MPP7: variants seen among roughly 807,000 people sequenced by gnomAD.
The protein encoded by MPP7 is MAGUK p55 subfamily member 7.
In MPP7, 60 loss-of-function variants were observed where a neutral mutation model predicts 76.5. The observed-to-expected ratio is 0.78, with a 90% CI of 0.64 to 0.97. The LOEUF (loss-of-function observed/expected upper bound fraction) is 0.97, where lower values mean the gene tolerates loss of function less well. Ranked by LOEUF, MPP7 falls within the 50% of genes least tolerant of loss-of-function variation. The pLI is 0.00. For synonymous variants in MPP7, 237 were observed against 244.5 expected (o/e 0.97, Z 0.29); for missense variants, 641 against 694.0 (o/e 0.92, Z 0.86).
chr10:28,243,300 C>A (rs745360454), intron 1 of MPP7, among the ~76,000 whole-genome samples: 1 of 152,070 alleles, frequency 6.6e-6, no homozygotes, highest in African/African-American at 2.4e-5. Context: ...CTGAAATACA[C>A]GCATGGTGGA....
chr10:28,268,326 G>A (rs187673050), intron 1 of MPP7, among the ~76,000 whole-genome samples: 113 of 152,324 alleles, frequency 7.4e-4, no homozygotes, highest in African/African-American at 2.5e-3. Flanking sequence ...ATGAGCCAGA[G>A]AAATTTTGAT....
intron 3 of MPP7, among the ~76,000 whole-genome samples, chr10:28,159,443 T>C (rs1836182694): frequency 6.6e-6 from 1 of 152,230 alleles, no homozygotes; most frequent in Non-Finnish European, 1.5e-5. Flanking sequence ...CAAAAATCAG[T>C]ATATTTTCCA....
chr10:28,275,597 A>C (rs1247576484), intron 1 of MPP7, among the ~76,000 whole-genome samples: 4 of 151,846 alleles, frequency 2.6e-5, no homozygotes, highest in Admixed American at 2.6e-4. Flanking sequence ...AGTAAAGAAG[A>C]CATTTCACAG....
intron 5 of MPP7, among the ~76,000 whole-genome samples, chr10:28,141,088 GT>G (rs1835501806): frequency 6.6e-6 from 1 of 151,934 alleles, no homozygotes; most frequent in Non-Finnish European, 1.5e-5. Context: ...AGAATTTAAT[GT>G]TTTATCACAT....
chr10:28,200,922 G>C (rs1312030429), intron 3 of MPP7, among the ~76,000 whole-genome samples: 2 of 152,012 alleles, frequency 1.3e-5, no homozygotes, highest in Non-Finnish European at 2.9e-5. Context: ...GCTATCAAAA[G>C]GTCAACTCAA....
At chr10:28,251,706 T>C (rs891524579) in intron 1 of MPP7, among the ~76,000 whole-genome samples, 7 of 152,088 alleles carry the variant, frequency 4.6e-5, no homozygotes, top group African/African-American at 1.2e-4. Context: ...GGCACAGGTA[T>C]TCCGACTTCA....
intron 1 of MPP7, 116 bp from the exon 2 acceptor site, chr10:28,238,851 C>T: frequency 2.1e-6 from 1 of 475,384 alleles, no homozygotes; most frequent in South Asian, 3.7e-5. Flanking sequence ...CGCAACTCTT[C>T]AGAATTTTTT....
chr10:28,225,809 C>T (rs1838668821), intron 2 of MPP7, among the ~76,000 whole-genome samples: 1 of 152,150 alleles, frequency 6.6e-6, no homozygotes, highest in Non-Finnish European at 1.5e-5. Context: ...ACTACACTCA[C>T]AGGGACATAC....
At chr10:28,148,939 C>T (rs1411856074) in intron 4 of MPP7, among the ~76,000 whole-genome samples, 3 of 152,026 alleles carry the variant, frequency 2.0e-5, no homozygotes, top group East Asian at 1.9e-4. Context: ...ACTTTATTTG[C>T]CTTCATTTAA....
rs546860352 is a variant in MPP7, at chr10:28,282,654, G to A, written c.-132+20207C>T. On this transcript the variant is annotated intron_variant, in intron 1 of 16. Coordinates refer to ENST00000683449, the MANE Select transcript of MPP7 (RefSeq NM_001318170.2). ...ACTCCCACAATTAAAGGACAGGAGC[G>A]TAAAGAAAAACAGTGGCAGAAACCA... is the stretch of plus-strand genomic sequence containing the variant. Among the ~76,000 whole-genome samples the A allele has an allele frequency of 5.9e-5, 9 of 152,106 alleles. No individual in the cohort carries two copies. In the East Asian group the frequency reaches 1.2e-3, roughly 20 times the overall value.
At chr10:28,073,768 CAAGAAAAAAA>C (rs984615470) in intron 12 of MPP7, among the ~76,000 whole-genome samples, 2 of 150,618 alleles carry the variant, frequency 1.3e-5, no homozygotes, top group African/African-American at 4.9e-5. Flanking sequence ...GACTGCATCT[CAAGAAAAAAA>C]AAATATTTTT....
At chr10:28,227,857 A>T (rs1438533139) in intron 2 of MPP7, among the ~76,000 whole-genome samples, 8 of 152,220 alleles carry the variant, frequency 5.3e-5, no homozygotes, top group African/African-American at 1.9e-4. Context: ...TAGTGGATCA[A>T]ATGGTATTTC....
At chr10:28,106,691 C>T (rs1262034530) in intron 11 of MPP7, among the ~76,000 whole-genome samples, 3 of 152,162 alleles carry the variant, frequency 2.0e-5, no homozygotes, top group African/African-American at 7.2e-5. Context: ...TGGAGCACTC[C>T]TATCCTCAAC....
intron 5 of MPP7, among the ~76,000 whole-genome samples, chr10:28,146,405 G>GT (rs11316234): frequency 0.011 from 1,288 of 114,394 alleles, 29 homozygotes; most frequent in East Asian, 0.079. Context: ...TTGTTTTTTT[G>GT]TTTTTTTTTT....
chr10:28,247,656 T>C (rs1839481236), intron 1 of MPP7, among the ~76,000 whole-genome samples: 1 of 152,246 alleles, frequency 6.6e-6, no homozygotes, highest in South Asian at 2.1e-4. Flanking sequence ...CATATTCATC[T>C]ATTTTATTTC....
At chr10:28,235,355 A>G (rs1839039127) in intron 2 of MPP7, among the ~76,000 whole-genome samples, 1 of 152,224 alleles carries the variant, frequency 6.6e-6, no homozygotes, top group Non-Finnish European at 1.5e-5. Context: ...GGCAAGGCAT[A>G]TTGAAACTCT....
At chr10:28,166,048 T>TA (rs1836445832) in intron 3 of MPP7, among the ~76,000 whole-genome samples, 1 of 149,374 alleles carries the variant, frequency 6.7e-6, no homozygotes, top group African/African-American at 2.4e-5. Flanking sequence ...AAAAAGAATT[T>TA]AGTGTCCCAC....
intron 3 of MPP7, among the ~76,000 whole-genome samples, chr10:28,164,727 A>G (rs1836387602): frequency 6.6e-6 from 1 of 152,150 alleles, no homozygotes; most frequent in African/African-American, 2.4e-5. Flanking sequence ...GTGGGGCCCA[A>G]GATAATTCTT....
At position 28,059,820 on chromosome 10, in the gene MPP7, GTA is replaced by G. The variant is rs1340411438; in HGVS notation, c.1205-79_1205-78del. The G allele has an allele frequency of 2.5e-5, 24 of 954,102 alleles. No individual in the cohort carries two copies. The Admixed American group carries it at 4.6e-4, about 18-fold the overall frequency. 59.1% of individuals were successfully genotyped at this position (954,102 alleles called of 1,614,324 possible). A position where few individuals can be genotyped will look rare whatever the true frequency, so the allele number is the denominator to read the frequency against. ...GAAAATACTAAAAAAGAAATCAAGG[GTA>G]TTTAATTAGTTTTTTCAACAGGATT... is the stretch of plus-strand genomic sequence containing the variant. On this transcript the variant is annotated intron_variant, in intron 13 of 16. Coordinates refer to ENST00000683449, the MANE Select transcript of MPP7 (RefSeq NM_001318170.2).
Sources: allele counts gnomAD v4.1 joint callset (sites outside exome capture counted in the v4.1 genomes callset), GRCh38; gene constraint gnomAD v4.1.1; transcripts MANE v1.5; gene names NCBI Gene and HGNC (gene_info 2026-07-23, HGNC 2026-07-21).